The following GBP7 variants were observed in gnomAD, a reference collection of about 807,000 sequenced individuals.
GBP7 encodes guanylate binding protein 7.
Under a neutral mutation model 61.3 loss-of-function variants are expected in GBP7, and 43 were observed. That is an observed-to-expected ratio of 0.70 (90% CI 0.55 to 0.91). The LOEUF is 0.91. Among genes scored for constraint, GBP7 ranks in the 40% least tolerant of loss-of-function variants. GBP7 has a pLI of 0.00. For missense variants in GBP7, 717 were observed against 740.5 expected (o/e 0.97, Z 0.37); for synonymous variants, 267 against 271.0 (o/e 0.99, Z 0.14).
chr1:89,171,863 A>G lies in GBP7; in HGVS notation c.73T>C (p.Ser25Pro). ...ENTKGHLVVNSEALEILSAIT... is the reference protein window; with the variant it reads ...ENTKGHLVVNPEALEILSAIT... Reference sequence around the variant, plus strand: ...GCAGACAGGATTTCCAGAGCTTCTGAATTCACCACCAGATGCCCTTTAGTG... The same window carrying G: ...GCAGACAGGATTTCCAGAGCTTCTGGATTCACCACCAGATGCCCTTTAGTG... The change falls in exon 2 of 11, where the codon TCA becomes CCA. Residue 25 changes from serine to proline, a missense_variant. Physicochemically the swap from Ser to Pro is moderately conservative, Grantham distance 74. Transcript: ENST00000294671. 2.5e-6 allele frequency: 4 copies of G among 1,613,758 alleles called. No individual in the cohort carries two copies. Among genetic ancestry groups the G allele is most frequent in the Non-Finnish European group, 3.4e-6 (4 of 1,179,848 alleles).
chr1:89,159,590 A>C (rs1476795457), intron 3 of GBP7, among the ~76,000 whole-genome samples: 1 of 152,224 alleles, frequency 6.6e-6, no homozygotes, highest in Non-Finnish European at 1.5e-5. Context: ...ACATCTATGC[A>C]GCCAACAGAC....
chr1:89,158,965 T>C (rs981157275), intron 3 of GBP7, among the ~76,000 whole-genome samples: 1 of 152,112 alleles, frequency 6.6e-6, no homozygotes, highest in Non-Finnish European at 1.5e-5. Flanking sequence ...CAAACTATAC[T>C]ACAAGGCTAC....
intron 1 of GBP7, among the ~76,000 whole-genome samples, chr1:89,173,708 C>T (rs1647665184): frequency 6.6e-6 from 1 of 152,114 alleles, no homozygotes; most frequent in Admixed American, 6.6e-5. Context: ...ACATTTGTTA[C>T]TGTTTGTGTT....
intron 9 of GBP7, 132 bp from the exon 10 acceptor site, chr1:89,133,583 T>C: frequency 1.4e-6 from 1 of 691,812 alleles, no homozygotes; most frequent in Non-Finnish European, 2.4e-6. Context: ...ACTGATAAAC[T>C]CCAAGCAGGA....
chr1:89,151,936 C>T (rs115727021), intron 5 of GBP7, among the ~76,000 whole-genome samples: 2,455 of 152,192 alleles, frequency 0.016, 56 homozygotes, highest in African/African-American at 0.055. Context: ...AGGAGGAGCA[C>T]TTGAAGTTAA....
chr1:89,141,689 A>C (rs759796084), intron 8 of GBP7, 41 bp from the exon 9 acceptor site: 2 of 1,501,408 alleles, frequency 1.3e-6, no homozygotes, highest in Non-Finnish European at 1.9e-6. Context: ...CAGGCAGCAG[A>C]AATCTTGTCT....
At chr1:89,154,363 C>CT (rs1345229421) in intron 3 of GBP7, among the ~76,000 whole-genome samples, 17 of 151,628 alleles carry the variant, frequency 1.1e-4, no homozygotes, top group Admixed American at 1.3e-4. Context: ...TTCTTTTTTT[C>CT]TTTTTTTTGA....
At position 89,147,575 on chromosome 1, in the gene GBP7, C is replaced by G; in HGVS notation, c.1357G>C (p.Gly453Arg). 3 of 1,613,502 alleles carry G rather than the reference C, an allele frequency of 1.9e-6. No individual in the cohort carries two copies. Among genetic ancestry groups the G allele is most frequent in the Non-Finnish European group, 1.7e-6 (2 of 1,179,434 alleles). The change falls in exon 8 of 11, where the codon GGA becomes CGA. Residue 453 changes from glycine (G) to arginine (R), a missense_variant. Physicochemically the swap from Gly to Arg is moderately radical, Grantham distance 125. Coordinates refer to ENST00000294671, the MANE Select transcript of GBP7 (RefSeq NM_207398.3). ...CTCCCCTTATTCCTCACCTTAACTCCTTTTCTGGGCACTAGTGTATAGTCC... is the reference window on the plus strand; with the variant it reads ...CTCCCCTTATTCCTCACCTTAACTCGTTTTCTGGGCACTAGTGTATAGTCC... ...EQDYTLVPRKGVKADEVLQSF... is the reference protein window; with the variant it reads ...EQDYTLVPRKRVKADEVLQSF...
chr1:89,132,449 G>A (rs747393711), intron 10 of GBP7, 46 bp from the exon 11 acceptor site: 1 of 1,436,544 alleles, frequency 7.0e-7, no homozygotes, highest in Non-Finnish European at 9.4e-7. Context: ...CAATTTTTAA[G>A]AGACCGAGGT....
chr1:89,143,756 G>A (rs972399042), intron 8 of GBP7, among the ~76,000 whole-genome samples: 5 of 152,186 alleles, frequency 3.3e-5, no homozygotes, highest in South Asian at 2.1e-4. Flanking sequence ...GACCTCCAGA[G>A]AACTCACTAT....
chr1:89,163,813 C>T (rs914866377), intron 3 of GBP7, among the ~76,000 whole-genome samples: 14 of 151,166 alleles, frequency 9.3e-5, no homozygotes, highest in African/African-American at 2.9e-4. Flanking sequence ...TAAATGTTCC[C>T]GGTATAGCTG....
chr1:89,141,475 T>C, intron 9 of GBP7, 71 bp downstream of exon 9: 1 of 1,369,490 alleles, frequency 7.3e-7, no homozygotes, highest in Non-Finnish European at 1.0e-6. Context: ...GGAAAATCCT[T>C]TTTTCTGAAC....
chr1:89,157,084 T>C (rs1211310319), intron 3 of GBP7, among the ~76,000 whole-genome samples: 1 of 152,146 alleles, frequency 6.6e-6, no homozygotes, highest in Non-Finnish European at 1.5e-5. Flanking sequence ...GGAAACTGAA[T>C]AACTGTCTCC....
chr1:89,140,887 G>C (rs950942791), intron 9 of GBP7, among the ~76,000 whole-genome samples: 7 of 152,134 alleles, frequency 4.6e-5, no homozygotes, highest in African/African-American at 1.7e-4. Flanking sequence ...ATGAAATAAT[G>C]TTCTTTGCAG....
intron 7 of GBP7, among the ~76,000 whole-genome samples, chr1:89,148,786 G>C (rs988689824): frequency 6.6e-6 from 1 of 152,008 alleles, no homozygotes; most frequent in Non-Finnish European, 1.5e-5. Context: ...TGTGAGCTTA[G>C]GCATTTTTTC....
chr1:89,169,218 T>G (rs902003258), intron 2 of GBP7, among the ~76,000 whole-genome samples: 1 of 152,204 alleles, frequency 6.6e-6, no homozygotes, highest in Non-Finnish European at 1.5e-5. Context: ...ATTTTTAAAG[T>G]GAAAAACCCT....
intron 2 of GBP7, among the ~76,000 whole-genome samples, chr1:89,166,982 G>A (rs148539541): frequency 3.5e-4 from 53 of 152,174 alleles, no homozygotes; most frequent in African/African-American, 1.2e-3. Context: ...ACTTTCCCAC[G>A]TCTCAACCAC....
rs1393407112 is a variant in GBP7, at chr1:89,149,516, A to T, written c.928T>A (p.Cys310Ser). 5 of 1,614,174 alleles carry T rather than the reference A, an allele frequency of 3.1e-6. No individual in the cohort carries two copies. The highest frequency in any genetic ancestry group is 4.2e-6 in the Non-Finnish European group (5 of 1,180,012). Residue 310 changes from cysteine (C) to serine (S), a missense_variant, in exon 7 of 11, where the codon TGT becomes AGT. Transcript: ENST00000294671. ...AGAACTGCCATTGCATTCTCCAGAC[A>T]AGGAGTCGCTCCACTGTTGATGGCA... is the stretch of plus-strand genomic sequence containing the variant. ...LDAINSGATP[C>S]LENAMAVLAQ...
At chr1:89,152,850 C>T in intron 3 of GBP7, 73 bp from the exon 4 acceptor site, 1 of 1,201,430 alleles carries the variant, frequency 8.3e-7, no homozygotes, top group Non-Finnish European at 1.2e-6. Context: ...CTACTTGTAT[C>T]CATGTAACCA....
Sources: allele counts gnomAD v4.1 joint callset (sites outside exome capture counted in the v4.1 genomes callset), GRCh38; gene constraint gnomAD v4.1.1; transcripts MANE v1.5; gene names NCBI Gene and HGNC (gene_info 2026-07-23, HGNC 2026-07-21).